The following SNRNP40 variants were observed in gnomAD, a reference collection of about 807,000 sequenced individuals.
SNRNP40 encodes U5 small nuclear ribonucleoprotein 40 kDa protein.
SNRNP40 carries 21 observed loss-of-function variants against 45.8 expected under a neutral mutation model. That is an observed-to-expected ratio of 0.46 (90% CI 0.32 to 0.66). The LOEUF (loss-of-function observed/expected upper bound fraction) is 0.66. Ranked by LOEUF, SNRNP40 falls within the 30% of genes least tolerant of loss-of-function variation. SNRNP40 has a pLI of 0.03. For synonymous variants in SNRNP40, 142 were observed against 163.8 expected (o/e 0.87, Z 1.01); for missense variants, 344 against 439.1 (o/e 0.78, Z 1.94).
At position 31,289,359 on chromosome 1, in the gene SNRNP40, C is replaced by G. The variant is rs771716551; in HGVS notation, c.426G>C (p.Glu142Asp). 2 of 1,614,166 alleles carry G rather than the reference C, an allele frequency of 1.2e-6. No individual in the cohort carries two copies. The highest frequency in any genetic ancestry group is 2.2e-5 in the South Asian group (2 of 91,074). ...TATGTCCCTTTAGCCTTTTAACCCT[C>G]TCACCTGTTTCACTATCCCACACAG... ...TVAVWDSETGERVKRLKGHTS... is the reference protein window; with the variant it reads ...TVAVWDSETGDRVKRLKGHTS... The change falls in exon 4 of 10, where the codon GAG (glutamate) becomes GAC (aspartate). Residue 142 changes from glutamate to aspartate, a missense_variant. Physicochemically the swap from Glu to Asp is conservative, Grantham distance 45. Around this residue, in one of 2 missense-constraint regions of SNRNP40, gnomAD observed 254 missense variants for 380.2 expected, o/e 0.67. Coordinates refer to ENST00000263694, the MANE Select transcript of SNRNP40 (RefSeq NM_004814.3).
intron 4 of SNRNP40, among the ~76,000 whole-genome samples, chr1:31,287,821 A>T (rs1569668843): frequency 6.6e-6 from 1 of 152,116 alleles, no homozygotes; most frequent in Admixed American, 6.5e-5. Context: ...AATATGATGA[A>T]CCCCTGCCTC....
At chr1:31,266,067 T>C (rs1483175377) in intron 8 of SNRNP40, among the ~76,000 whole-genome samples, 1 of 152,186 alleles carries the variant, frequency 6.6e-6, no homozygotes, top group Non-Finnish European at 1.5e-5. Flanking sequence ...ACCTGGACCC[T>C]TTCTTTTTCC....
At chr1:31,262,784 C>A (rs1310778030) in intron 8 of SNRNP40, among the ~76,000 whole-genome samples, 1 of 151,802 alleles carries the variant, frequency 6.6e-6, no homozygotes, top group Non-Finnish European at 1.5e-5. Flanking sequence ...CTTTGGGGGG[C>A]CAAGGCTTGA....
chr1:31,290,582 G>A (rs1304737419), intron 3 of SNRNP40, among the ~76,000 whole-genome samples: 3 of 152,164 alleles, frequency 2.0e-5, no homozygotes, highest in African/African-American at 7.2e-5. Context: ...AAATAAGATT[G>A]TACACACAGT....
intron 1 of SNRNP40, among the ~76,000 whole-genome samples, chr1:31,295,299 G>A (rs957514099): frequency 6.6e-6 from 1 of 152,122 alleles, no homozygotes; most frequent in Non-Finnish European, 1.5e-5. Flanking sequence ...GGTGGTGGAG[G>A]CTGTACTGAG....
chr1:31,276,380 C>CA (rs1207029042), intron 5 of SNRNP40, among the ~76,000 whole-genome samples: 3 of 150,924 alleles, frequency 2.0e-5, no homozygotes, highest in African/African-American at 7.3e-5. Flanking sequence ...CAAAATAAAG[C>CA]AAAAAAATGG....
rs180864783 is a variant in SNRNP40, at chr1:31,287,730, T to A, written c.531+1524A>T. ...AGAAAAACGTCTCAGCCAAGTGTGG[T>A]GGCTCACGCCTGTAATCCCAGCACT... On this transcript the variant is annotated intron_variant, in intron 4 of 9. Transcript: ENST00000263694. Among the ~76,000 whole-genome samples the A allele has an allele frequency of 4.6e-4, 70 of 152,328 alleles. No homozygotes were observed. The East Asian group carries it at 7.1e-3, about 16-fold the overall frequency.
rs535688098 is a variant in SNRNP40, at chr1:31,282,673, C to G, written c.532-1177G>C. ...CTATGTGTCTATCTATCTATCTAAT[C>G]TCTATCTATCTATCTATCTAGGGAC... is the stretch of plus-strand genomic sequence containing the variant. On this transcript the variant is annotated intron_variant, in intron 4 of 9. Coordinates refer to ENST00000263694, the MANE Select transcript of SNRNP40 (RefSeq NM_004814.3). Among the ~76,000 whole-genome samples the G allele has an allele frequency of 1.2e-4, 18 of 150,920 alleles. No homozygotes were observed. In the South Asian group the frequency reaches 3.8e-3, roughly 32 times the overall value.
At position 31,296,630 on chromosome 1, in the gene SNRNP40, G is replaced by A. The variant is rs751888215; in HGVS notation, c.122C>T (p.Pro41Leu). The A allele has an allele frequency of 6.2e-7, 1 of 1,612,262 alleles. No homozygotes were observed. The highest frequency in any genetic ancestry group is 8.5e-7 in the Non-Finnish European group (1 of 1,179,308). Residue 41 changes from proline to leucine, a missense_variant, in exon 1 of 10, where the codon CCG becomes CTG. By Grantham distance (98) the Pro-to-Leu change is moderately conservative. This residue lies in a region of SNRNP40 where 90 missense variants were observed against 58.9 expected (regional missense o/e 1.53). Coordinates refer to ENST00000263694, the MANE Select transcript of SNRNP40 (RefSeq NM_004814.3). The stretch of plus-strand genomic sequence containing the variant: ...ACTTACCGCTTGCAGCAAGGCTCCC[G>A]GCGTCGCCTGCTGCTGCCCGGCTCC... ...GPGAGQQQATPGALLQAGPPR... is the reference protein window; with the variant it reads ...GPGAGQQQATLGALLQAGPPR...
chr1:31,273,106 T>TC (rs1645949866), intron 5 of SNRNP40, among the ~76,000 whole-genome samples: 1 of 152,202 alleles, frequency 6.6e-6, no homozygotes. Flanking sequence ...TTCTATACGA[T>TC]CATTTTTTTA....
In SNRNP40 at chr1:31,288,740, T is replaced by C. The variant is rs895689631; in HGVS notation, c.531+514A>G. On this transcript the variant is annotated intron_variant, in intron 4 of 9. Transcript: ENST00000263694. ...GCCTTGAAAGACACGTATATTACTG[T>C]CACAGTTCTTTTTTTTGAGACAGAG... is the stretch of plus-strand genomic sequence containing the variant. Among the ~76,000 whole-genome samples the C allele has an allele frequency of 2.0e-5, 3 of 151,888 alleles. No individual in the cohort carries two copies. The East Asian group carries it at 5.8e-4, about 29-fold the overall frequency.
intron 4 of SNRNP40, among the ~76,000 whole-genome samples, chr1:31,283,409 C>T (rs1016159508): frequency 6.6e-6 from 1 of 152,104 alleles, no homozygotes; most frequent in South Asian, 2.1e-4. Context: ...TCAAGACCAG[C>T]GTGGCTAACA....
Position 31,286,140 on chromosome 1 carries a change from G to A in SNRNP40, c.531+3114C>T, listed in dbSNP as rs139038326. On this transcript the variant is annotated intron_variant, in intron 4 of 9. Transcript: ENST00000263694. The stretch of plus-strand genomic sequence containing the variant: ...TGCTCCTAAACCTTTTCAGTGGACA[G>A]TCAGGCAATATATGTACATTTAGGT... Among the ~76,000 whole-genome samples the A allele has an allele frequency of 1.3e-3, 200 of 151,678 alleles. 1 individual carries two copies. The highest frequency in any genetic ancestry group is 4.7e-3 in the African/African-American group (194 of 41,466).
intron 5 of SNRNP40, among the ~76,000 whole-genome samples, chr1:31,277,690 T>G (rs1645985477): frequency 6.6e-6 from 1 of 152,018 alleles, no homozygotes; most frequent in Non-Finnish European, 1.5e-5. Flanking sequence ...ATTAAACGCT[T>G]TTTAGCTTTT....
intron 4 of SNRNP40, among the ~76,000 whole-genome samples, chr1:31,286,612 G>A (rs1646061188): frequency 1.3e-5 from 2 of 152,202 alleles, no homozygotes; most frequent in Admixed American, 1.3e-4. Context: ...TTCAGGCTTT[G>A]ACATCCACAT....
At position 31,267,822 on chromosome 1, in the gene SNRNP40, G is replaced by A. The variant is rs774643229; in HGVS notation, c.920+49C>T. 7 of 1,458,176 alleles carry A rather than the reference G, an allele frequency of 4.8e-6. No individual in the cohort carries two copies. The East Asian group carries it at 1.1e-4, about 24-fold the overall frequency. The allele number at this position is 1,458,176 out of a possible 1,614,324, so 90.3% of individuals were successfully genotyped here. On this transcript the variant is annotated intron_variant, in intron 8 of 9. Coordinates refer to ENST00000263694, the MANE Select transcript of SNRNP40 (RefSeq NM_004814.3). ...GCTGGGATTGCAGGCACGAGCCACC[G>A]CATCCGGCCAGCTACATCATTCTTT...
intron 5 of SNRNP40, among the ~76,000 whole-genome samples, chr1:31,272,616 G>C (rs1281588215): frequency 2.0e-5 from 3 of 152,172 alleles, no homozygotes; most frequent in Non-Finnish European, 2.9e-5. Flanking sequence ...TCTTACGGCT[G>C]TTGTAAGGAT....
chr1:31,271,330 C>G (rs1397516273), intron 6 of SNRNP40, 49 bp downstream of exon 6: 4 of 1,582,078 alleles, frequency 2.5e-6, no homozygotes, highest in African/African-American at 1.4e-5. Context: ...TGTGAGCAAT[C>G]TTTGACTTTT....
rs143915285 is a variant in SNRNP40, at chr1:31,273,051, A to G, written c.655-1552T>C. ...AGCAATACATAGGGCAGACAACTCC[A>G]CTTTCTCCATCAGTAACTCACTCAT... On this transcript the variant is annotated intron_variant, in intron 5 of 9. Transcript: ENST00000263694. 3.0e-3 allele frequency among the ~76,000 whole-genome samples: 462 copies of G among 152,320 alleles called. 5 individuals are homozygous for G. The highest frequency in any genetic ancestry group is 0.011 in the African/African-American group (444 of 41,562).
Sources: gnomAD v4.1 joint callset for allele counts (sites outside exome capture counted in the v4.1 genomes callset) on GRCh38, gnomAD v4.1.1 for gene constraint, gnomAD v4.1.1 regional missense constraint, MANE v1.5 for transcripts, NCBI Gene and HGNC (gene_info 2026-07-23, HGNC 2026-07-21) for gene names.